FAM110B: variants seen among roughly 807,000 people sequenced by gnomAD.
FAM110B encodes protein FAM110B.
In FAM110B, 6 loss-of-function variants were observed where a neutral mutation model predicts 20.4. That is an observed-to-expected ratio of 0.29 (90% CI 0.16 to 0.58). The LOEUF is 0.58. Ranked by LOEUF, FAM110B falls within the 20% of genes least tolerant of loss-of-function variation. The pLI is 0.90. For synonymous variants in FAM110B, 226 were observed against 214.1 expected (o/e 1.06, Z -0.49); for missense variants, 434 against 498.2 (o/e 0.87, Z 1.23).
chr8:58,010,075 G>A (rs1265373080), intron 1 of FAM110B, among the ~76,000 whole-genome samples: 1 of 152,082 alleles, frequency 6.6e-6, no homozygotes, highest in Non-Finnish European at 1.5e-5. Context: ...GGAGTGCAGT[G>A]GCATGATCTC....
chr8:57,999,050 G>T (rs1443987682), intron 1 of FAM110B, among the ~76,000 whole-genome samples: 1 of 152,110 alleles, frequency 6.6e-6, no homozygotes, highest in African/African-American at 2.4e-5. Context: ...GTTTTTTGTT[G>T]TTGTTGTTGT....
At chr8:57,998,625 T>C (rs1486995756) in intron 1 of FAM110B, among the ~76,000 whole-genome samples, 1 of 152,214 alleles carries the variant, frequency 6.6e-6, no homozygotes, top group East Asian at 1.9e-4. Context: ...ACACATATTA[T>C]ACCCAAAGTG....
chr8:58,018,735 C>T (rs758472876), intron 1 of FAM110B, among the ~76,000 whole-genome samples: 7 of 151,516 alleles, frequency 4.6e-5, no homozygotes, highest in Non-Finnish European at 7.4e-5. Flanking sequence ...AGTAATTTTT[C>T]GCATTTTATT....
At chr8:58,062,111 G>A (rs1805668892) in intron 2 of FAM110B, among the ~76,000 whole-genome samples, 1 of 152,056 alleles carries the variant, frequency 6.6e-6, no homozygotes, top group South Asian at 2.1e-4. Context: ...AAATGAAAAA[G>A]GTCCCATGGT....
intron 1 of FAM110B, 94 bp downstream of exon 1, chr8:57,994,900 G>GGA (rs1804148431): frequency 6.6e-6 from 1 of 152,150 alleles, no homozygotes; most frequent in Non-Finnish European, 1.5e-5. Context: ...TGCGGACAAT[G>GGA]CGGGAGCTGC....
chr8:58,148,320 C>T lies in FAM110B; in HGVS notation c.*977C>T, dbSNP rs1206015306. 6.0e-6 allele frequency: 1 copy of T among 166,926 alleles called. No individual in the cohort carries two copies. Among genetic ancestry groups the T allele is most frequent in the Non-Finnish European group, 1.5e-5 (1 of 68,106 alleles). 10.3% of individuals were successfully genotyped at this position (166,926 alleles called of 1,614,324 possible). A position where few individuals can be genotyped will look rare whatever the true frequency, so the allele number is the denominator to read the frequency against. On this transcript the variant is annotated 3_prime_UTR_variant, in exon 4 of 4. Coordinates refer to ENST00000519262, the MANE Select transcript of FAM110B (RefSeq NM_001377989.1). The stretch of plus-strand genomic sequence containing the variant: ...AACAGAAGTCAAATACCAGCCATAT[C>T]AGTAGAGCCTTCCATTCAAAAGTGA...
At chr8:58,120,870 C>G (rs1323109176) in intron 3 of FAM110B, among the ~76,000 whole-genome samples, 1 of 152,202 alleles carries the variant, frequency 6.6e-6, no homozygotes, top group African/African-American at 2.4e-5. Context: ...GCATCAGAAT[C>G]CCCTGAGGCC....
chr8:57,997,109 G>A (rs1015456049), intron 1 of FAM110B, among the ~76,000 whole-genome samples: 1 of 152,146 alleles, frequency 6.6e-6, no homozygotes, highest in Admixed American at 6.5e-5. Flanking sequence ...TTAACTCTTA[G>A]GGCCCTGCAG....
At chr8:58,057,202 C>T (rs911375866) in intron 2 of FAM110B, among the ~76,000 whole-genome samples, 2 of 152,194 alleles carry the variant, frequency 1.3e-5, no homozygotes, top group Admixed American at 6.5e-5. Context: ...TGCACTTGGT[C>T]ACTACCCTCC....
chr8:58,065,686 G>A (rs1012958878), intron 2 of FAM110B, among the ~76,000 whole-genome samples: 2 of 152,034 alleles, frequency 1.3e-5, no homozygotes, highest in African/African-American at 4.8e-5. Flanking sequence ...TTGTGTGTAG[G>A]AATGAATTGA....
At chr8:58,093,758 A>T (rs1488705076) in intron 3 of FAM110B, among the ~76,000 whole-genome samples, 1 of 152,198 alleles carries the variant, frequency 6.6e-6, no homozygotes, top group African/African-American at 2.4e-5. Flanking sequence ...TATGAAATTT[A>T]CAGTAGTTTT....
chr8:58,007,424 G>A (rs893146391), intron 1 of FAM110B, among the ~76,000 whole-genome samples: 4 of 152,158 alleles, frequency 2.6e-5, no homozygotes, highest in Admixed American at 6.5e-5. Context: ...TAGTTTGGAA[G>A]AAAAATGAGG....
At chr8:58,045,219 G>A (rs1327448389) in intron 2 of FAM110B, among the ~76,000 whole-genome samples, 1 of 152,154 alleles carries the variant, frequency 6.6e-6, no homozygotes, top group East Asian at 1.9e-4. Flanking sequence ...GTTCACAGCA[G>A]TGCTGTGTGC....
At chr8:58,010,718 C>T (rs1352614231) in intron 1 of FAM110B, among the ~76,000 whole-genome samples, 1 of 152,190 alleles carries the variant, frequency 6.6e-6, no homozygotes, top group East Asian at 1.9e-4. Context: ...CTAGGAATAT[C>T]ACTCCCAGCT....
Position 58,079,654 on chromosome 8 carries a change from G to A in FAM110B, c.-325+4031G>A, listed in dbSNP as rs183775571. Among the ~76,000 whole-genome samples, 9 of 152,100 alleles carry A rather than the reference G, an allele frequency of 5.9e-5. No individual in the cohort carries two copies. In the East Asian group the frequency reaches 1.6e-3, roughly 26 times the overall value. ...AAATTAGCCAGGTGTTGTGGCATGC[G>A]CCTGTAGTTCCAGCTGCACGGGAGG... On this transcript the variant is annotated intron_variant, in intron 3 of 3. Transcript: ENST00000519262.
chr8:58,042,756 T>G (rs978547043), intron 2 of FAM110B, among the ~76,000 whole-genome samples: 1 of 152,240 alleles, frequency 6.6e-6, no homozygotes, highest in Non-Finnish European at 1.5e-5. Flanking sequence ...TATCTAAAAC[T>G]GTAATCCACA....
chr8:58,051,994 A>G (rs1185050611), intron 2 of FAM110B, among the ~76,000 whole-genome samples: 2 of 152,236 alleles, frequency 1.3e-5, no homozygotes, highest in Non-Finnish European at 2.9e-5. Flanking sequence ...TGTTTGAATC[A>G]TTAACCTAAT....
intron 2 of FAM110B, among the ~76,000 whole-genome samples, chr8:58,038,446 T>A (rs959354680): frequency 1.3e-5 from 2 of 152,222 alleles, no homozygotes; most frequent in African/African-American, 4.8e-5. Flanking sequence ...AAAGGTATTC[T>A]TAGTGTAGGT....
intron 3 of FAM110B, among the ~76,000 whole-genome samples, chr8:58,123,313 G>C (rs892046016): frequency 2.6e-5 from 4 of 152,070 alleles, no homozygotes; most frequent in African/African-American, 7.2e-5. Flanking sequence ...CCTGCTCTTT[G>C]GGGGGTGGTG....
Sources: allele counts gnomAD v4.1 joint callset (sites outside exome capture counted in the v4.1 genomes callset), GRCh38; gene constraint gnomAD v4.1.1; transcripts MANE v1.5; gene names NCBI Gene and HGNC (gene_info 2026-07-23, HGNC 2026-07-21).